The following ST8SIA1 variants were observed in gnomAD, a reference collection of about 807,000 sequenced individuals.
The protein encoded by ST8SIA1 is alpha-N-acetylneuraminide alpha-2,8-sialyltransferase.
ST8SIA1 carries 16 observed loss-of-function variants against 35.9 expected under a neutral mutation model. The ratio of observed to expected loss-of-function variants is 0.45; its 90% CI spans 0.30 to 0.68. The LOEUF is 0.68. Among genes scored for constraint, ST8SIA1 ranks in the 30% least tolerant of loss-of-function variants. The pLI is 0.09. For missense variants in ST8SIA1, 383 were observed against 453.6 expected, an observed-to-expected ratio of 0.84 and a Z score of 1.41; for synonymous variants, 170 against 169.6, an observed-to-expected ratio of 1.00 and a Z score of -0.02.
chr12:22,333,763 T>A (rs1866799392), intron 1 of ST8SIA1: 1 of 727,558 alleles, frequency 1.4e-6, no homozygotes, highest in South Asian at 1.5e-5. Context: ...ATGCGTCGAG[T>A]CTTTACATGC....
At chr12:22,333,021 C>G (rs985336553) in intron 1 of ST8SIA1, among the ~76,000 whole-genome samples, 2 of 152,178 alleles carry the variant, frequency 1.3e-5, no homozygotes, top group Non-Finnish European at 2.9e-5. Flanking sequence ...GTTCCCTCAA[C>G]ATGCCTGGGG....
At chr12:22,209,646 A>C (rs1448346749) in intron 4 of ST8SIA1, among the ~76,000 whole-genome samples, 1 of 152,202 alleles carries the variant, frequency 6.6e-6, no homozygotes, top group East Asian at 1.9e-4. Context: ...TGATATTTGT[A>C]GGGCACCATC....
intron 1 of ST8SIA1, among the ~76,000 whole-genome samples, chr12:22,292,046 A>T (rs925194637): frequency 1.3e-5 from 2 of 152,182 alleles, no homozygotes; most frequent in African/African-American, 4.8e-5. Context: ...GACACTCAAA[A>T]CATTAGACAA....
At chr12:22,254,128 G>T (rs1865702707) in intron 3 of ST8SIA1, among the ~76,000 whole-genome samples, 1 of 152,114 alleles carries the variant, frequency 6.6e-6, no homozygotes, top group Non-Finnish European at 1.5e-5. Flanking sequence ...GCTGGCACTT[G>T]GTTCATAGTC....
chr12:22,218,408 A>G (rs544409521), intron 4 of ST8SIA1, among the ~76,000 whole-genome samples: 1 of 152,006 alleles, frequency 6.6e-6, no homozygotes, highest in Non-Finnish European at 1.5e-5. Flanking sequence ...ACTTGAGGTC[A>G]GGAGTTCCAG....
At chr12:22,297,266 A>C (rs775756915) in intron 1 of ST8SIA1, among the ~76,000 whole-genome samples, 2 of 151,630 alleles carry the variant, frequency 1.3e-5, no homozygotes, top group Non-Finnish European at 2.9e-5. Context: ...CAGGGAACTG[A>C]ACCAGCAAAC....
chr12:22,311,471 C>A (rs973143649), intron 1 of ST8SIA1, among the ~76,000 whole-genome samples: 23 of 152,112 alleles, frequency 1.5e-4, no homozygotes, highest in African/African-American at 5.3e-4. Context: ...CAGGCCAGTG[C>A]CAGTCCACAG....
chr12:22,263,516 GT>G, intron 2 of ST8SIA1, among the ~76,000 whole-genome samples: 1 of 152,254 alleles, frequency 6.6e-6, no homozygotes, highest in South Asian at 2.1e-4. Flanking sequence ...TCATAACTAA[GT>G]TTTGTTGATT....
chr12:22,263,789 T>C (rs886369250), intron 2 of ST8SIA1, among the ~76,000 whole-genome samples: 3 of 152,180 alleles, frequency 2.0e-5, no homozygotes, highest in Non-Finnish European at 4.4e-5. Context: ...TTTAGAATTG[T>C]GGCACCAAGT....
intron 4 of ST8SIA1, among the ~76,000 whole-genome samples, chr12:22,210,010 A>G (rs1865160285): frequency 6.6e-6 from 1 of 152,202 alleles, no homozygotes; most frequent in Admixed American, 6.5e-5. Context: ...TGGAGGATGC[A>G]GGAAATTAGA....
At position 22,272,967 on chromosome 12, in the gene ST8SIA1, T is replaced by C. The variant is rs74636140; in HGVS notation, c.381+14182A>G. On this transcript the variant is annotated intron_variant, in intron 2 of 4. Coordinates refer to ENST00000396037, the MANE Select transcript of ST8SIA1 (RefSeq NM_003034.4). ...TGATTTCATTGCAACATCTGAGACT[T>C]GTATTATCTAATGACACAAGAGTAA... Among the ~76,000 whole-genome samples, 715 of 152,350 alleles carry C rather than the reference T, an allele frequency of 4.7e-3. 3 individuals carry two copies. Among genetic ancestry groups the C allele is most frequent in the African/African-American group, 0.016 (676 of 41,582 alleles).
At chr12:22,239,193 T>A (rs1308007604) in intron 4 of ST8SIA1, among the ~76,000 whole-genome samples, 1 of 152,198 alleles carries the variant, frequency 6.6e-6, no homozygotes, top group African/African-American at 2.4e-5. Flanking sequence ...TTTGCATTTT[T>A]AAAAATTTTA....
At chr12:22,223,849 T>C in intron 4 of ST8SIA1, 1 of 1,123,088 alleles carries the variant, frequency 8.9e-7, no homozygotes, top group Non-Finnish European at 1.1e-6. Context: ...CAATAGAATG[T>C]TTCTAATTGT....
chr12:22,273,159 T>C (rs2193178), intron 2 of ST8SIA1, among the ~76,000 whole-genome samples: 42,973 of 152,022 alleles, frequency 0.28, 6,357 homozygotes, highest in Middle Eastern at 0.38. Flanking sequence ...CACCTCCAAG[T>C]TGCAGACAGT....
Position 22,201,065 on chromosome 12 carries a change from T to C in ST8SIA1, c.*487A>G, listed in dbSNP as rs1432764080. The C allele has an allele frequency of 6.6e-6, 1 of 151,950 alleles. No homozygotes were observed. The highest frequency in any genetic ancestry group is 2.4e-5 in the African/African-American group (1 of 41,328). 9.4% of individuals were successfully genotyped at this position (151,950 alleles called of 1,614,324 possible). ...GATTTTTTAAATCTACCCACCCACT[T>C]CCCCAAAGAGGGCAAAAATAAATAA... On this transcript the variant is annotated 3_prime_UTR_variant, in exon 5 of 5. Transcript: ENST00000396037.
intron 2 of ST8SIA1, among the ~76,000 whole-genome samples, chr12:22,283,911 C>A (rs1866064864): frequency 6.6e-6 from 1 of 152,156 alleles, no homozygotes; most frequent in South Asian, 2.1e-4. Context: ...ACACAGAACA[C>A]TGTCATATGG....
chr12:22,288,300 G>A (rs1023066815), intron 1 of ST8SIA1, among the ~76,000 whole-genome samples: 4 of 152,220 alleles, frequency 2.6e-5, no homozygotes, highest in Admixed American at 2.6e-4. Flanking sequence ...GGGGACGGTG[G>A]AGTGGGAGAC....
At chr12:22,333,929 G>T (rs1487356715) in intron 1 of ST8SIA1, 68 bp downstream of exon 1, 3 of 1,399,996 alleles carry the variant, frequency 2.1e-6, no homozygotes, top group Non-Finnish European at 3.0e-6. Context: ...GTCCTCGCCG[G>T]TGACCCTGTC....
At chr12:22,240,056 GT>G (rs1865522547) in intron 4 of ST8SIA1, among the ~76,000 whole-genome samples, 1 of 152,026 alleles carries the variant, frequency 6.6e-6, no homozygotes, top group Non-Finnish European at 1.5e-5. Flanking sequence ...TAAATAATAT[GT>G]TTTATCCAAG....
Sources: gnomAD v4.1 joint callset for allele counts (sites outside exome capture counted in the v4.1 genomes callset) on GRCh38, gnomAD v4.1.1 for gene constraint, MANE v1.5 for transcripts, NCBI Gene and HGNC (gene_info 2026-07-23, HGNC 2026-07-21) for gene names.